Variants in DYM observed in about 807,000 individuals in gnomAD.
DYM encodes the protein dymeclin.
DYM carries 78 observed loss-of-function variants against 93.1 expected under a neutral mutation model. The observed-to-expected ratio is 0.84, with a 90% CI of 0.70 to 1.01. The LOEUF is 1.01. Ranked by LOEUF, DYM falls within the 50% of genes least tolerant of loss-of-function variation. The probability of loss-of-function intolerance (pLI) is 0.00; values close to 1 mark genes in which losing one functional copy is unlikely to be tolerated. For synonymous variants in DYM, 321 were observed against 319.7 expected (o/e 1.00, Z -0.04); for missense variants, 789 against 845.0 (o/e 0.93, Z 0.82).
In DYM at chr18:49,036,646, G is replaced by C. The variant is rs1258861869; in HGVS notation, c.*7409C>G. On this transcript the variant is annotated 3_prime_UTR_variant, in exon 18 of 18. Coordinates refer to ENST00000675505, the MANE Select transcript of DYM (RefSeq NM_001353214.3). ...AGCTCACTGCAGCCTCTACCTCCTGGGCTCAGGTAATCCTCCTACCTTAGC... is the reference window on the plus strand; with the variant it reads ...AGCTCACTGCAGCCTCTACCTCCTGCGCTCAGGTAATCCTCCTACCTTAGC... Among the ~76,000 whole-genome samples the C allele has an allele frequency of 9.2e-5, 14 of 151,924 alleles. No individual in the cohort carries two copies. Among genetic ancestry groups the C allele is most frequent in the Admixed American group, 9.2e-4 (14 of 15,250 alleles).
intron 2 of DYM, among the ~76,000 whole-genome samples, chr18:49,404,651 T>C (rs1016957980): frequency 1.3e-5 from 2 of 152,182 alleles, no homozygotes. Flanking sequence ...GGTTTTGATT[T>C]GCGTTTCTCT....
chr18:49,447,574 G>A (rs887344152), intron 1 of DYM, among the ~76,000 whole-genome samples: 1 of 152,132 alleles, frequency 6.6e-6, no homozygotes, highest in African/African-American at 2.4e-5. Flanking sequence ...CTTAGCTGTC[G>A]TGTGGGGCTG....
At chr18:49,459,068 A>G (rs944262157) in intron 1 of DYM, among the ~76,000 whole-genome samples, 4 of 152,304 alleles carry the variant, frequency 2.6e-5, no homozygotes, top group South Asian at 2.1e-4. Context: ...CTATGGTTAA[A>G]AGGTGCAAAA....
chr18:49,159,699 T>C (rs1030941466), intron 15 of DYM, among the ~76,000 whole-genome samples: 2 of 152,148 alleles, frequency 1.3e-5, no homozygotes, highest in Non-Finnish European at 2.9e-5. Context: ...CTGGGCAATA[T>C]AGTGAGACCC....
intron 17 of DYM, among the ~76,000 whole-genome samples, chr18:49,079,254 G>A (rs1336437514): frequency 1.3e-5 from 2 of 152,066 alleles, no homozygotes; most frequent in African/African-American, 4.8e-5. Flanking sequence ...AATCTTTGTT[G>A]GTTCTAACAT....
Position 49,423,477 on chromosome 18 carries a change from T to A in DYM, c.140+6778A>T, listed in dbSNP as rs974436125. ...AAAATTGACAACCTAATGTCACAATTAAAAGAACTAGAGAAGCAAGAGCAA... is the reference window on the plus strand; with the variant it reads ...AAAATTGACAACCTAATGTCACAATAAAAAGAACTAGAGAAGCAAGAGCAA... On this transcript the variant is annotated intron_variant, in intron 2 of 17. Transcript: ENST00000675505. Among the ~76,000 whole-genome samples, 70 of 152,026 alleles carry A rather than the reference T, an allele frequency of 4.6e-4. 2 individuals are homozygous for A. Among genetic ancestry groups the A allele is most frequent in the Non-Finnish European group, 1.6e-4 (11 of 67,998 alleles).
intron 8 of DYM, among the ~76,000 whole-genome samples, chr18:49,298,190 C>T (rs1034143626): frequency 2.6e-5 from 4 of 152,090 alleles, no homozygotes; most frequent in African/African-American, 9.7e-5. Flanking sequence ...CTTTGACCAT[C>T]TCAAGAAAGA....
intron 10 of DYM, among the ~76,000 whole-genome samples, chr18:49,278,430 C>T (rs779047376): frequency 2.0e-4 from 30 of 152,076 alleles, no homozygotes; most frequent in Non-Finnish European, 2.9e-4. Flanking sequence ...GACTAACTCA[C>T]AATGCCCTGA....
Position 49,440,053 on chromosome 18 carries a change from T to A in DYM, c.-53-9606A>T, listed in dbSNP as rs868485841. Among the ~76,000 whole-genome samples the A allele has an allele frequency of 1.2e-4, 14 of 116,330 alleles. 2 individuals are homozygous for A. The highest frequency in any genetic ancestry group is 2.0e-4 in the Non-Finnish European group (11 of 54,242). The allele number at this position is 116,330 out of a possible 152,430, so 76.3% of individuals were successfully genotyped here. A position where few individuals can be genotyped will look rare whatever the true frequency, so the allele number is the denominator to read the frequency against. ...ATAAATAAATAAATAAATAAATAAA[T>A]AAAACATGATATGCTCAATATTTTA... On this transcript the variant is annotated intron_variant, in intron 1 of 17. Coordinates refer to ENST00000675505, the MANE Select transcript of DYM (RefSeq NM_001353214.3).
chr18:49,141,663 C>A (rs1184384826), intron 15 of DYM, among the ~76,000 whole-genome samples: 2 of 152,098 alleles, frequency 1.3e-5, no homozygotes, highest in Non-Finnish European at 2.9e-5. Flanking sequence ...GAATCCTAAG[C>A]CTCTAAATCT....
intron 13 of DYM, among the ~76,000 whole-genome samples, chr18:49,219,003 C>G (rs187979961): frequency 6.6e-6 from 1 of 151,934 alleles, no homozygotes; most frequent in Non-Finnish European, 1.5e-5. Context: ...ATTGATAGAC[C>G]GCTAGCAAGA....
intron 11 of DYM, among the ~76,000 whole-genome samples, chr18:49,268,795 ATTTGTT>A (rs1386456605): frequency 2.0e-5 from 3 of 151,396 alleles, no homozygotes; most frequent in Middle Eastern, 6.9e-3. Flanking sequence ...TAAAAATCAT[ATTTGTT>A]TTTAATTCCT....
chr18:49,084,356 A>T (rs2078311114), intron 17 of DYM, among the ~76,000 whole-genome samples: 1 of 152,094 alleles, frequency 6.6e-6, no homozygotes, highest in East Asian at 1.9e-4. Context: ...CAAATCTGAG[A>T]CTTGTTTTGT....
At chr18:49,286,739 T>A in intron 8 of DYM, 123 bp from the exon 9 acceptor site, 3 of 973,198 alleles carry the variant, frequency 3.1e-6, no homozygotes, top group Non-Finnish European at 4.8e-6. Context: ...AGAACAAGAA[T>A]CATGTCTATA....
intron 14 of DYM, among the ~76,000 whole-genome samples, chr18:49,174,476 C>T (rs2089156397): frequency 6.6e-6 from 1 of 152,176 alleles, no homozygotes; most frequent in African/African-American, 2.4e-5. Flanking sequence ...GGACTCATTA[C>T]ACTACTTCAT....
Position 49,163,718 on chromosome 18 carries a change from C to G in DYM, c.1695G>C (p.Ser565=). The change falls in exon 15 of 18, where the codon TCG becomes TCC. Residue 565 remains serine, a synonymous_variant. Coordinates refer to ENST00000675505, the MANE Select transcript of DYM (RefSeq NM_001353214.3). The part of the protein sequence containing the change: ...LEQATQSLRG[S]LSSNDVPLPD... Reference sequence around the variant, plus strand: ...GTAGAGGAACATCATTAGAACTCAGCGAACCTCTCAAGGACTGTGTGGCTT... The same window carrying G: ...GTAGAGGAACATCATTAGAACTCAGGGAACCTCTCAAGGACTGTGTGGCTT... The G allele has an allele frequency of 6.2e-7, 1 of 1,612,268 alleles. No individual in the cohort carries two copies. The highest frequency in any genetic ancestry group is 8.5e-7 in the Non-Finnish European group (1 of 1,178,912).
At chr18:49,080,206 G>C (rs2077746185) in intron 17 of DYM, among the ~76,000 whole-genome samples, 1 of 109,710 alleles carries the variant, frequency 9.1e-6, no homozygotes, top group Non-Finnish European at 1.9e-5. Flanking sequence ...GCCGGGTGGG[G>C]GGCTGACCCC....
chr18:49,164,454 C>T (rs1395316986), intron 14 of DYM, among the ~76,000 whole-genome samples: 2 of 152,090 alleles, frequency 1.3e-5, no homozygotes, highest in Non-Finnish European at 2.9e-5. Flanking sequence ...GCTTCTGTCT[C>T]GAGGAACATT....
chr18:49,203,568 C>G (rs1285381862), intron 14 of DYM, among the ~76,000 whole-genome samples: 1 of 143,806 alleles, frequency 7.0e-6, no homozygotes. Context: ...ACCCTGTGCT[C>G]TCTGAAACAT....
Sources: allele counts gnomAD v4.1 joint callset (sites outside exome capture counted in the v4.1 genomes callset), GRCh38; gene constraint gnomAD v4.1.1; transcripts MANE v1.5; gene names NCBI Gene and HGNC (gene_info 2026-07-23, HGNC 2026-07-21).